The following NBEAL1 variants were observed in gnomAD, a reference collection of about 807,000 sequenced individuals.
NBEAL1 encodes the protein neurobeachin-like protein 1.
In NBEAL1, 273 loss-of-function variants were observed where a neutral mutation model predicts 351.3. That is an observed-to-expected ratio of 0.78 (90% CI 0.70 to 0.86). The LOEUF (loss-of-function observed/expected upper bound fraction) is 0.86. NBEAL1 is among the 40% of genes least tolerant of loss of function. The probability of loss-of-function intolerance (pLI) is 0.00; values close to 1 mark genes in which losing one functional copy is unlikely to be tolerated. For missense variants in NBEAL1, 2,961 were observed against 3,201.3 expected, an observed-to-expected ratio of 0.92 and a Z score of 1.81; for synonymous variants, 1,050 against 1,086.4, an observed-to-expected ratio of 0.97 and a Z score of 0.66.
At chr2:203,078,888 T>G (rs992027777) in intron 8 of NBEAL1, among the ~76,000 whole-genome samples, 1 of 152,156 alleles carries the variant, frequency 6.6e-6, no homozygotes, top group African/African-American at 2.4e-5. Flanking sequence ...AACAAATCTG[T>G]GACATAGTAA....
At chr2:203,094,032 A>T (rs1022772457) in intron 10 of NBEAL1, among the ~76,000 whole-genome samples, 4 of 152,116 alleles carry the variant, frequency 2.6e-5, no homozygotes, top group African/African-American at 9.7e-5. Flanking sequence ...AAGCTTCTAA[A>T]CTTCTTCATT....
chr2:203,099,743 T>A, intron 12 of NBEAL1, 31 bp downstream of exon 12: 1 of 1,417,080 alleles, frequency 7.1e-7, no homozygotes, highest in Non-Finnish European at 9.6e-7. Context: ...CTTTTTTTTT[T>A]TTCTTAACTT....
chr2:203,203,621 G>T (rs2105819488), intron 51 of NBEAL1, among the ~76,000 whole-genome samples: 1 of 152,252 alleles, frequency 6.6e-6, no homozygotes, highest in African/African-American at 2.4e-5. Flanking sequence ...TGGAAGGATT[G>T]CTTGAGCCAG....
intron 36 of NBEAL1, among the ~76,000 whole-genome samples, chr2:203,160,428 C>G (rs1285283598): frequency 6.6e-6 from 1 of 152,056 alleles, no homozygotes; most frequent in African/African-American, 2.4e-5. Flanking sequence ...TATTGATAGT[C>G]TCTATTTGAT....
At position 203,126,609 on chromosome 2, in the gene NBEAL1, T is replaced by C; in HGVS notation, c.3038T>C (p.Ile1013Thr). The change falls in exon 22 of 56, where the codon ATT becomes ACT. Residue 1013 changes from isoleucine (I) to threonine (T), a missense_variant. Coordinates refer to ENST00000683969, the MANE Select transcript of NBEAL1 (RefSeq NM_001378026.1). ...VNVLMAVQLL[I>T]EQVSLEKNMQ... ...GTGTTGATGGCAGTTCAGTTACTAA[T>C]TGAACAAGTATCATTAGAGAAAAAT... 3 of 1,521,020 alleles carry C rather than the reference T, an allele frequency of 2.0e-6. No homozygotes were observed. The highest frequency in any genetic ancestry group is 1.4e-5 in the African/African-American group (1 of 72,000). 94.2% of individuals were successfully genotyped at this position (1,521,020 alleles called of 1,614,324 possible).
At chr2:203,181,545 C>A (rs2064718102) in intron 43 of NBEAL1, 1 of 152,024 alleles carries the variant, frequency 6.6e-6, no homozygotes, top group Admixed American at 6.6e-5. Flanking sequence ...CTTTTAAGTA[C>A]AAATAAGGAA....
At chr2:203,089,291 G>C (rs1468740530) in intron 10 of NBEAL1, among the ~76,000 whole-genome samples, 1 of 151,704 alleles carries the variant, frequency 6.6e-6, no homozygotes, top group South Asian at 2.1e-4. Flanking sequence ...CCTCAGAGAC[G>C]GAGGTTGCAG....
chr2:203,134,245 A>G (rs2063146713), intron 27 of NBEAL1, among the ~76,000 whole-genome samples: 1 of 152,206 alleles, frequency 6.6e-6, no homozygotes, highest in Admixed American at 6.5e-5. Flanking sequence ...AATTAGAAAC[A>G]GCTCTCAGTG....
At chr2:203,119,414 C>G (rs1245383320) in intron 18 of NBEAL1, among the ~76,000 whole-genome samples, 16 of 89,536 alleles carry the variant, frequency 1.8e-4, no homozygotes, top group African/African-American at 6.0e-4. Flanking sequence ...CCACTGCATA[C>G]GGCCTGTTGC....
In NBEAL1 at chr2:203,220,252, G is replaced by A. The variant is rs183430090; in HGVS notation, c.*2898G>A. Reference sequence around the variant, plus strand: ...TATAATCCCAGCTCTTTGGGAGGCCGAGGTGGGCGGATCACAAGGTCAGGA... The same window carrying A: ...TATAATCCCAGCTCTTTGGGAGGCCAAGGTGGGCGGATCACAAGGTCAGGA... On this transcript the variant is annotated 3_prime_UTR_variant, in exon 56 of 56. Coordinates refer to ENST00000683969, the MANE Select transcript of NBEAL1 (RefSeq NM_001378026.1). Among the ~76,000 whole-genome samples the A allele has an allele frequency of 2.6e-5, 4 of 152,222 alleles. No individual in the cohort carries two copies. The highest frequency in any genetic ancestry group is 1.3e-4 in the Admixed American group (2 of 15,284).
intron 12 of NBEAL1, 21 bp downstream of exon 12, chr2:203,099,733 CTTT>C: frequency 4.1e-6 from 5 of 1,208,476 alleles, no homozygotes; most frequent in Non-Finnish European, 4.5e-6. Context: ...TATCCTCCAG[CTTT>C]TTTTTTTTTC....
At chr2:203,134,557 A>T (rs1384653715) in intron 27 of NBEAL1, among the ~76,000 whole-genome samples, 1 of 152,156 alleles carries the variant, frequency 6.6e-6, no homozygotes, top group Non-Finnish European at 1.5e-5. Flanking sequence ...CAGAGCTAAA[A>T]CTTCTGTTAA....
Position 203,190,497 on chromosome 2 carries a change from T to C in NBEAL1, c.6921+108T>C, listed in dbSNP as rs2065040250. The C allele has an allele frequency of 1.3e-5, 11 of 819,948 alleles. No individual in the cohort carries two copies. In the South Asian group the frequency reaches 1.7e-4, roughly 13 times the overall value. The allele number at this position is 819,948 out of a possible 1,614,324, so 50.8% of individuals were successfully genotyped here. ...CATGTATATAGCCAGTTACTCTCAG[T>C]CACAGAAAGATTTCTGTTTGCTCAG... On this transcript the variant is annotated intron_variant, in intron 46 of 55. Transcript: ENST00000683969.
intron 2 of NBEAL1, among the ~76,000 whole-genome samples, chr2:203,031,362 T>C (rs1169535653): frequency 6.6e-6 from 1 of 152,272 alleles, no homozygotes; most frequent in Non-Finnish European, 1.5e-5. Context: ...TAATGTCAAA[T>C]TATATCCTGT....
intron 35 of NBEAL1, among the ~76,000 whole-genome samples, chr2:203,156,818 A>G (rs1373336740): frequency 1.3e-5 from 2 of 152,234 alleles, no homozygotes; most frequent in South Asian, 2.1e-4. Context: ...TATTTTTGCC[A>G]TAAATGAAAT....
At chr2:203,169,198 T>A (rs1256632093) in intron 38 of NBEAL1, among the ~76,000 whole-genome samples, 1 of 151,884 alleles carries the variant, frequency 6.6e-6, no homozygotes, top group Non-Finnish European at 1.5e-5. Context: ...AAAACCATAA[T>A]CTACTGTTTA....
intron 44 of NBEAL1, among the ~76,000 whole-genome samples, chr2:203,184,074 T>TAAAAAAAAAAAAAAAAAAA (rs1170251389): frequency 1.0e-4 from 9 of 88,004 alleles, no homozygotes; most frequent in East Asian, 2.9e-4. Context: ...CGAGACTGTC[T>TAAAAAAAAAAAAAAAAAAA]AAAAAAAAAA....
At chr2:203,037,430 G>A (rs542041831) in intron 2 of NBEAL1, among the ~76,000 whole-genome samples, 1 of 148,724 alleles carries the variant, frequency 6.7e-6, no homozygotes, top group South Asian at 2.1e-4. Context: ...AATTTCCAAG[G>A]GATCATAGTT....
intron 2 of NBEAL1, among the ~76,000 whole-genome samples, chr2:203,022,626 G>A (rs1574856901): frequency 1.3e-5 from 2 of 152,254 alleles, no homozygotes; most frequent in Non-Finnish European, 2.9e-5. Context: ...GAGGAAGAGA[G>A]ATAAAAATGT....
Sources: gnomAD v4.1 joint callset for allele counts (sites outside exome capture counted in the v4.1 genomes callset) on GRCh38, gnomAD v4.1.1 for gene constraint, MANE v1.5 for transcripts, NCBI Gene and HGNC (gene_info 2026-07-23, HGNC 2026-07-21) for gene names.